The following CORO1C variants were observed in gnomAD, a reference collection of about 807,000 sequenced individuals.
CORO1C encodes the protein coronin 1C.
Under a neutral mutation model 51.2 loss-of-function variants are expected in CORO1C, and 14 were observed. The observed-to-expected ratio is 0.27, with a 90% CI of 0.18 to 0.43. CORO1C has a LOEUF of 0.43. Ranked by LOEUF, CORO1C falls within the 20% of genes least tolerant of loss-of-function variation. CORO1C has a pLI of 1.00. For synonymous variants in CORO1C, 181 were observed against 210.5 expected (o/e 0.86, Z 1.21); for missense variants, 417 against 607.8 (o/e 0.69, Z 3.30).
chr12:108,696,888 C>T (rs1286020636), intron 2 of CORO1C, among the ~76,000 whole-genome samples: 3 of 152,196 alleles, frequency 2.0e-5, no homozygotes, highest in Admixed American at 6.5e-5. Flanking sequence ...CTTCAAAAAT[C>T]CCACTTTCCC....
At chr12:108,674,362 C>G (rs1456525986) in intron 3 of CORO1C, among the ~76,000 whole-genome samples, 1 of 152,070 alleles carries the variant, frequency 6.6e-6, no homozygotes, top group Non-Finnish European at 1.5e-5. Flanking sequence ...TCCTGGCTAA[C>G]ATGGTGAAAC....
At chr12:108,660,981 G>T (rs2136811048) in intron 4 of CORO1C, among the ~76,000 whole-genome samples, 1 of 152,144 alleles carries the variant, frequency 6.6e-6, no homozygotes, top group South Asian at 2.1e-4. Context: ...CCTTTTTACT[G>T]GTGAGGGGAA....
At chr12:108,661,937 T>C in intron 4 of CORO1C, 92 bp downstream of exon 4, 3 of 1,445,890 alleles carry the variant, frequency 2.1e-6, no homozygotes, top group Admixed American at 1.8e-5. Context: ...TTTAAAACCA[T>C]ATAGCACACA....
rs574209960 is a variant in CORO1C, at chr12:108,658,216, T to A, written c.630+522A>T. 1.8e-4 allele frequency among the ~76,000 whole-genome samples: 27 copies of A among 151,914 alleles called. No individual in the cohort carries two copies. Among genetic ancestry groups the A allele is most frequent in the Middle Eastern group, 6.8e-3 (2 of 294 alleles). On this transcript the variant is annotated intron_variant, in intron 5 of 10. Transcript: ENST00000261401. This position sits in a 1 kb window ranked among gnomAD's most constrained non-coding sequence, Gnocchi z 4.9. ...TATTTATTTATTTATTTATTTATTT[T>A]TGTATTTTTAGTAGAGACAGAGTTT...
chr12:108,719,470 T>C (rs1298967215), intron 1 of CORO1C, among the ~76,000 whole-genome samples: 7 of 152,332 alleles, frequency 4.6e-5, no homozygotes, highest in Admixed American at 4.6e-4. Flanking sequence ...TTAGATCATT[T>C]TAACAGTTGT....
At chr12:108,719,896 C>T (rs889752127) in intron 1 of CORO1C, among the ~76,000 whole-genome samples, 32 of 152,294 alleles carry the variant, frequency 2.1e-4, no homozygotes, top group African/African-American at 6.0e-4. Context: ...GTCAAACTTG[C>T]TAACCAGGCC....
At chr12:108,649,683 A>T (rs1000643642) in intron 8 of CORO1C, 6 of 152,906 alleles carry the variant, frequency 3.9e-5, no homozygotes, top group African/African-American at 1.4e-4. Flanking sequence ...CAAGAGAACT[A>T]AACAGACCAG....
rs897351609 is a variant in CORO1C, at chr12:108,645,899, A to G, written c.*1504T>C. The G allele has an allele frequency of 7.9e-5, 12 of 152,242 alleles. No individual in the cohort carries two copies. The East Asian group carries it at 9.6e-4, about 12-fold the overall frequency. 9.4% of individuals were successfully genotyped at this position (152,242 alleles called of 1,614,324 possible). ...AAATCTTGTTTCCCAAGCATGCACT[A>G]TAAGAAACTGGAAACGGGGCAAAGT... On this transcript the variant is annotated 3_prime_UTR_variant, in exon 11 of 11. Coordinates refer to ENST00000261401, the MANE Select transcript of CORO1C (RefSeq NM_014325.4).
chr12:108,653,827 A>G (rs1267645842), intron 7 of CORO1C, among the ~76,000 whole-genome samples: 1 of 152,158 alleles, frequency 6.6e-6, no homozygotes, highest in Non-Finnish European at 1.5e-5. Context: ...TGCATCCACA[A>G]AGCACCATTC....
chr12:108,682,429 T>C (rs994981135), intron 2 of CORO1C, among the ~76,000 whole-genome samples: 1 of 152,164 alleles, frequency 6.6e-6, no homozygotes, highest in Non-Finnish European at 1.5e-5. Context: ...TAAGGTGAAA[T>C]GCACTATTAG....
At chr12:108,720,357 T>C (rs989434157) in intron 1 of CORO1C, among the ~76,000 whole-genome samples, 4 of 152,202 alleles carry the variant, frequency 2.6e-5, no homozygotes, top group Non-Finnish European at 4.4e-5. Flanking sequence ...TATCAGAACA[T>C]ATGCTTTAAA....
At chr12:108,696,061 A>T (rs2034669817) in intron 2 of CORO1C, among the ~76,000 whole-genome samples, 1 of 152,170 alleles carries the variant, frequency 6.6e-6, no homozygotes, top group Non-Finnish European at 1.5e-5. Flanking sequence ...CACAGCTACA[A>T]CAAAGGAGCC....
Position 108,718,763 on chromosome 12 carries a change from G to A in CORO1C, c.-6+12666C>T, listed in dbSNP as rs140092308. Among the ~76,000 whole-genome samples, 979 of 152,012 alleles carry A rather than the reference G, an allele frequency of 6.4e-3. 7 individuals are homozygous for A. The highest frequency in any genetic ancestry group is 0.01 in the Non-Finnish European group (681 of 68,006). On this transcript the variant is annotated intron_variant, in intron 1 of 10. Transcript: ENST00000261401. Reference sequence around the variant, plus strand: ...CAGCATATGCATCTTCTAAAGCGAAGGAAAAAACAAAACAAAACACTCAAT... The same window carrying A: ...CAGCATATGCATCTTCTAAAGCGAAAGAAAAAACAAAACAAAACACTCAAT...
intron 3 of CORO1C, among the ~76,000 whole-genome samples, chr12:108,666,326 T>C (rs780348232): frequency 4.6e-5 from 7 of 152,012 alleles, no homozygotes; most frequent in Non-Finnish European, 8.8e-5. Flanking sequence ...GAGAAGAAAG[T>C]GAGTGAAAAA....
chr12:108,713,332 T>C (rs1394509260), intron 1 of CORO1C, among the ~76,000 whole-genome samples: 17 of 152,194 alleles, frequency 1.1e-4, no homozygotes, highest in Admixed American at 9.2e-4. Flanking sequence ...ATGAATAGCC[T>C]TGATGTTGGT....
intron 8 of CORO1C, 24 bp downstream of exon 8, chr12:108,652,248 T>A: frequency 6.2e-7 from 1 of 1,610,076 alleles, no homozygotes; most frequent in Non-Finnish European, 8.5e-7. Flanking sequence ...CAACCTAGAA[T>A]ACTTGACAAT....
At chr12:108,704,946 G>T (rs958004192) in intron 1 of CORO1C, among the ~76,000 whole-genome samples, 2 of 152,188 alleles carry the variant, frequency 1.3e-5, no homozygotes, top group Admixed American at 1.3e-4. Context: ...AAGTTGAAGT[G>T]ATCATTAAAT....
At chr12:108,707,781 CAAT>C (rs1455978641) in intron 1 of CORO1C, among the ~76,000 whole-genome samples, 1 of 152,058 alleles carries the variant, frequency 6.6e-6, no homozygotes. Context: ...TCCTACAATT[CAAT>C]AATAAAAACA....
At chr12:108,669,965 C>G (rs2033650224) in intron 3 of CORO1C, among the ~76,000 whole-genome samples, 2 of 151,930 alleles carry the variant, frequency 1.3e-5, no homozygotes, top group South Asian at 4.1e-4. Context: ...AGATTTATCC[C>G]AAAGCATTAT....
Sources: allele counts gnomAD v4.1 joint callset (sites outside exome capture counted in the v4.1 genomes callset), GRCh38; gene constraint gnomAD v4.1.1; non-coding constraint Gnocchi (gnomAD v3.1); transcripts MANE v1.5; gene names NCBI Gene and HGNC (gene_info 2026-07-23, HGNC 2026-07-21).